Variants in BORCS5 observed in about 807,000 individuals in gnomAD.
BORCS5 encodes the protein BLOC-1 related complex subunit 5.
In BORCS5, 17 loss-of-function variants were observed where a neutral mutation model predicts 22.1. The ratio of observed to expected loss-of-function variants is 0.77; its 90% CI spans 0.53 to 1.15. The LOEUF (loss-of-function observed/expected upper bound fraction) is 1.15, where lower values mean the gene tolerates loss of function less well. BORCS5 is among the 50% of genes most tolerant of loss of function. The pLI is 0.00. For missense variants in BORCS5, 247 were observed against 253.2 expected (o/e 0.98, Z 0.17); for synonymous variants, 117 against 99.8 (o/e 1.17, Z -1.03).
chr12:12,449,601 A>T (rs1942865713), intron 3 of BORCS5, among the ~76,000 whole-genome samples: 1 of 152,240 alleles, frequency 6.6e-6, no homozygotes. Context: ...ATACAATTCA[A>T]ATTCCTGCCG....
intron 2 of BORCS5, among the ~76,000 whole-genome samples, chr12:12,404,084 C>T (rs776109508): frequency 5.9e-5 from 9 of 152,146 alleles, no homozygotes; most frequent in South Asian, 2.1e-4. Flanking sequence ...ATATGGGTGA[C>T]GTAAATTTAC....
chr12:12,412,900 CTT>C (rs869045354), intron 2 of BORCS5, among the ~76,000 whole-genome samples: 1,165 of 74,162 alleles, frequency 0.016, 3 homozygotes, highest in South Asian at 0.023. Context: ...TTGTGGTTTT[CTT>C]TTTTTTTTTT....
chr12:12,357,570 C>T, intron 1 of BORCS5, 61 bp downstream of exon 1: 3 of 1,550,768 alleles, frequency 1.9e-6, no homozygotes, highest in Non-Finnish European at 2.6e-6. Context: ...GAGCGGGCTG[C>T]CTCCCAGACT....
In BORCS5 at chr12:12,469,453, T is replaced by C. The variant is rs1236099828; in HGVS notation, c.*3677T>C. 6.6e-6 allele frequency: 1 copy of C among 152,270 alleles called. No homozygotes were observed. The highest frequency in any genetic ancestry group is 2.4e-5 in the African/African-American group (1 of 41,476). The allele number at this position is 152,270 out of a possible 1,614,324, so 9.4% of individuals were successfully genotyped here. On this transcript the variant is annotated 3_prime_UTR_variant, in exon 4 of 4. Coordinates refer to ENST00000314565, the MANE Select transcript of BORCS5 (RefSeq NM_058169.6). ...ATATATGTTTCTGTATCCTGAGTATTTCTTTGCGGCTTCTTCAGTTATGAA... is the reference window on the plus strand; with the variant it reads ...ATATATGTTTCTGTATCCTGAGTATCTCTTTGCGGCTTCTTCAGTTATGAA...
Position 12,394,803 on chromosome 12 carries a change from A to T in BORCS5, c.202+33454A>T, listed in dbSNP as rs1268537204. 3.3e-5 allele frequency among the ~76,000 whole-genome samples: 5 copies of T among 152,076 alleles called. No individual in the cohort carries two copies. In the East Asian group the frequency reaches 9.6e-4, roughly 29 times the overall value. On this transcript the variant is annotated intron_variant, in intron 2 of 3. Coordinates refer to ENST00000314565, the MANE Select transcript of BORCS5 (RefSeq NM_058169.6). ...CTTCTGTGTGGAGTGCCTGTTTCCCATGTGCCAAGTGCTACACTGGTTGTA... is the reference window on the plus strand; with the variant it reads ...CTTCTGTGTGGAGTGCCTGTTTCCCTTGTGCCAAGTGCTACACTGGTTGTA...
Position 12,368,447 on chromosome 12 carries a change from CCTT to C in BORCS5, c.202+7105_202+7107del, listed in dbSNP as rs1056639183. ...ATCAACTTCAACTTTTTTTTCTTTT[CCTT>C]CTTCTTTTTTTTGAGATGGGGTCTT... On this transcript the variant is annotated intron_variant, in intron 2 of 3. Coordinates refer to ENST00000314565, the MANE Select transcript of BORCS5 (RefSeq NM_058169.6). Among the ~76,000 whole-genome samples the C allele has an allele frequency of 3.3e-5, 5 of 151,228 alleles. No individual in the cohort carries two copies. In the East Asian group the frequency reaches 5.8e-4, roughly 18 times the overall value.
intron 2 of BORCS5, among the ~76,000 whole-genome samples, chr12:12,426,917 G>A (rs1048695796): frequency 3.9e-5 from 6 of 152,136 alleles, no homozygotes; most frequent in African/African-American, 1.4e-4. Flanking sequence ...ACATTGTGGT[G>A]GGTGGCATCT....
intron 2 of BORCS5, among the ~76,000 whole-genome samples, chr12:12,427,172 C>CTTTTTTTT (rs869191667): frequency 5.9e-5 from 5 of 84,486 alleles, no homozygotes; most frequent in African/African-American, 1.0e-4. Context: ...TCTTTCTTTT[C>CTTTTTTTT]TTTTTTTTTT....
intron 2 of BORCS5, among the ~76,000 whole-genome samples, chr12:12,433,933 T>C (rs1287530437): frequency 6.6e-6 from 1 of 152,062 alleles, no homozygotes; most frequent in Non-Finnish European, 1.5e-5. Flanking sequence ...AGCTCTAATA[T>C]ATCAGAACAG....
chr12:12,361,169 A>C (rs750017262), intron 1 of BORCS5, 37 bp from the exon 2 acceptor site: 12 of 1,593,628 alleles, frequency 7.5e-6, no homozygotes, highest in Non-Finnish European at 1.0e-5. Flanking sequence ...AGAGATGCCT[A>C]ATATGCATCT....
chr12:12,418,190 AT>A (rs1285534703), intron 2 of BORCS5, among the ~76,000 whole-genome samples: 10 of 142,548 alleles, frequency 7.0e-5, no homozygotes, highest in East Asian at 2.0e-4. Context: ...TGCCTGGCTA[AT>A]TTTTTTTTTG....
intron 2 of BORCS5, among the ~76,000 whole-genome samples, chr12:12,406,921 A>G (rs1383260761): frequency 6.6e-6 from 1 of 152,066 alleles, no homozygotes; most frequent in African/African-American, 2.4e-5. Context: ...TTTTTGGGTT[A>G]TTGATGTTTC....
intron 2 of BORCS5, among the ~76,000 whole-genome samples, chr12:12,405,879 A>G (rs983581543): frequency 3.9e-5 from 6 of 152,280 alleles, no homozygotes; most frequent in African/African-American, 1.4e-4. Flanking sequence ...AATTATTAAA[A>G]GGAATGTGGA....
chr12:12,432,782 C>G (rs1325638942), intron 2 of BORCS5, among the ~76,000 whole-genome samples: 1 of 152,122 alleles, frequency 6.6e-6, no homozygotes, highest in African/African-American at 2.4e-5. Context: ...ATCCTAAAAG[C>G]TTACATCATG....
At chr12:12,391,926 G>A (rs9943731) in intron 2 of BORCS5, among the ~76,000 whole-genome samples, 12 of 92 alleles carry the variant, frequency 0.13, no homozygotes, top group East Asian at 0.25. Flanking sequence ...TGCTCCTGTA[G>A]TCCCAGCTAC....
chr12:12,409,548 A>T (rs550763227), intron 2 of BORCS5, among the ~76,000 whole-genome samples: 3 of 152,302 alleles, frequency 2.0e-5, no homozygotes, highest in African/African-American at 7.2e-5. Flanking sequence ...GTCCCTACAA[A>T]GGACATGAAC....
chr12:12,360,695 C>T (rs1465392038), intron 1 of BORCS5, among the ~76,000 whole-genome samples: 1 of 151,296 alleles, frequency 6.6e-6, no homozygotes, highest in Non-Finnish European at 1.5e-5. Context: ...CAGGCATGAG[C>T]CACCACACCC....
chr12:12,430,150 A>ATTTTTTTTTTTT (rs1565905968), intron 2 of BORCS5, among the ~76,000 whole-genome samples: 8 of 74,410 alleles, frequency 1.1e-4, no homozygotes, highest in Non-Finnish European at 1.9e-4. Flanking sequence ...CCTTAGAGAA[A>ATTTTTTTTTTTT]ATTTTTTTTT....
chr12:12,378,557 TAA>T (rs1200964267), intron 2 of BORCS5, among the ~76,000 whole-genome samples: 1 of 151,708 alleles, frequency 6.6e-6, no homozygotes, highest in East Asian at 1.9e-4. Flanking sequence ...GTTTTCTTTA[TAA>T]GAGTCAAAGT....
Sources: gnomAD v4.1 joint callset for allele counts (sites outside exome capture counted in the v4.1 genomes callset) on GRCh38, gnomAD v4.1.1 for gene constraint, MANE v1.5 for transcripts, NCBI Gene and HGNC (gene_info 2026-07-23, HGNC 2026-07-21) for gene names.